Variants in KHDC4 observed in about 807,000 individuals in gnomAD.
KHDC4 encodes KH homology domain-containing protein 4.
Under a neutral mutation model 74.5 loss-of-function variants are expected in KHDC4, and 19 were observed. The ratio of observed to expected loss-of-function variants is 0.26; its 90% CI spans 0.18 to 0.37. The LOEUF (loss-of-function observed/expected upper bound fraction) is 0.37, where lower values mean the gene tolerates loss of function less well. Among genes scored for constraint, KHDC4 ranks in the 10% least tolerant of loss-of-function variants. The pLI is 1.00. For missense variants in KHDC4, 632 were observed against 754.1 expected, an observed-to-expected ratio of 0.84 and a Z score of 1.90; for synonymous variants, 253 against 266.1, an observed-to-expected ratio of 0.95 and a Z score of 0.48.
At chr1:155,920,721 A>G (rs1448366400) in intron 10 of KHDC4, among the ~76,000 whole-genome samples, 5 of 152,028 alleles carry the variant, frequency 3.3e-5, no homozygotes, top group Non-Finnish European at 1.5e-5. Context: ...TTTTGTAGAG[A>G]TGGAGTCTCA....
chr1:155,914,039 G>A lies in KHDC4; in HGVS notation c.*82C>T. ...AAAGGTCCAGATGGTTCCCAGCACA[G>A]GCCCCAGAGTCTTGTTAAATCAAAT... On this transcript the variant is annotated 3_prime_UTR_variant, in exon 14 of 14. Coordinates refer to ENST00000368321, the MANE Select transcript of KHDC4 (RefSeq NM_014949.4). 5 of 1,219,380 alleles carry A rather than the reference G, an allele frequency of 4.1e-6. No individual in the cohort carries two copies. Among genetic ancestry groups the A allele is most frequent in the Non-Finnish European group, 6.1e-6 (5 of 825,904 alleles). The allele number at this position is 1,219,380 out of a possible 1,614,324, so 75.5% of individuals were successfully genotyped here.
intron 4 of KHDC4, among the ~76,000 whole-genome samples, chr1:155,928,593 C>CAAAAAAAAAAAAA (rs10555758): frequency 1.9e-4 from 17 of 89,328 alleles, no homozygotes; most frequent in Non-Finnish European, 2.4e-4. Context: ...ATCATAAAGA[C>CAAAAAAAAAAAAA]AAAAAAAAAA....
Position 155,915,976 on chromosome 1 carries a change from C to T in KHDC4, c.1554-12G>A, listed in dbSNP as rs760206489. 2 of 1,516,804 alleles carry T rather than the reference C, an allele frequency of 1.3e-6. No individual in the cohort carries two copies. Among genetic ancestry groups the T allele is most frequent in the Admixed American group, 2.1e-5 (1 of 48,308 alleles). The allele number at this position is 1,516,804 out of a possible 1,614,324, so 94.0% of individuals were successfully genotyped here. On this transcript the variant is annotated splice_polypyrimidine_tract_variant and intron_variant, in intron 12 of 13. Coordinates refer to ENST00000368321, the MANE Select transcript of KHDC4 (RefSeq NM_014949.4). ...GAGGCATCAACTGCCTATTGAAAAA[C>T]AAAATGAAACTTTCTTTCAGACAAT...
At chr1:155,925,264 C>T (rs1158589443) in intron 7 of KHDC4, among the ~76,000 whole-genome samples, 1 of 151,902 alleles carries the variant, frequency 6.6e-6, no homozygotes, top group Admixed American at 6.6e-5. Context: ...ATCTCCTGAC[C>T]TCGTGATCCA....
rs1674080011 is a variant in KHDC4, at chr1:155,928,763, T to C, written c.464+533A>G. 2.0e-5 allele frequency among the ~76,000 whole-genome samples: 3 copies of C among 151,586 alleles called. 1 individual carries two copies. Among genetic ancestry groups the C allele is most frequent in the Admixed American group, 1.3e-4 (2 of 15,198 alleles). On this transcript the variant is annotated intron_variant, in intron 4 of 13. Coordinates refer to ENST00000368321, the MANE Select transcript of KHDC4 (RefSeq NM_014949.4). ...GTCAGGAGATCAAGACCATCCTGGC[T>C]AACACGGTGAAGCTCTGTCTCTACT... is the stretch of plus-strand genomic sequence containing the variant.
At chr1:155,933,309 G>C (rs1398232511) in intron 2 of KHDC4, among the ~76,000 whole-genome samples, 1 of 71,226 alleles carries the variant, frequency 1.4e-5, no homozygotes, top group African/African-American at 5.6e-5. Context: ...TTTTTTTTTT[G>C]AGACGGAGTC....
chr1:155,920,096 AG>A (rs1156518757), intron 10 of KHDC4: 2 of 374,544 alleles, frequency 5.3e-6, no homozygotes, highest in African/African-American at 4.4e-5. Context: ...TAATCCATCC[AG>A]ATTATTATCC....
intron 7 of KHDC4, among the ~76,000 whole-genome samples, chr1:155,924,413 T>C (rs763120030): frequency 3.3e-5 from 5 of 151,838 alleles, no homozygotes; most frequent in Non-Finnish European, 2.9e-5. Flanking sequence ...GGGATTTCAC[T>C]GTATTAGCCA....
At chr1:155,934,254 C>T in intron 1 of KHDC4, 82 bp downstream of exon 1, 2 of 1,423,644 alleles carry the variant, frequency 1.4e-6, no homozygotes, top group Non-Finnish European at 1.9e-6. Flanking sequence ...GACCCTTCCA[C>T]CCTATACGCA....
At chr1:155,920,420 G>C (rs1278404225) in intron 10 of KHDC4, among the ~76,000 whole-genome samples, 1 of 152,086 alleles carries the variant, frequency 6.6e-6, no homozygotes, top group Non-Finnish European at 1.5e-5. Flanking sequence ...CTGGGCAACA[G>C]AGCGAGACTC....
intron 8 of KHDC4, 82 bp from the exon 9 acceptor site, chr1:155,922,000 C>T (rs973556400): frequency 1.2e-6 from 1 of 807,696 alleles, no homozygotes; most frequent in Non-Finnish European, 2.0e-6. Flanking sequence ...ATTCTAGGAC[C>T]AAAGCCATTA....
At position 155,934,320 on chromosome 1, in the gene KHDC4, G is replaced by A. The variant is rs757063648; in HGVS notation, c.38+16C>T. On this transcript the variant is annotated intron_variant, in intron 1 of 13. Transcript: ENST00000368321. ...CCCCAGTGCTCGCTCCGATGCCCTC[G>A]CCCCTGAAGCCGTACCCGCCAGCTC... 3.7e-6 allele frequency: 6 copies of A among 1,606,922 alleles called. No homozygotes were observed. The South Asian group carries it at 6.6e-5, about 18-fold the overall frequency.
intron 13 of KHDC4, chr1:155,915,658 C>A: frequency 2.1e-6 from 1 of 478,068 alleles, no homozygotes; most frequent in African/African-American, 2.0e-5. Context: ...CAGGCGCCCA[C>A]CACCATGCCC....
At chr1:155,929,573 A>G in intron 3 of KHDC4, 139 bp downstream of exon 3, 1 of 1,086,936 alleles carries the variant, frequency 9.2e-7, no homozygotes, top group East Asian at 2.4e-5. Flanking sequence ...TCTTCCTCTG[A>G]AGTTAAATTA....
intron 8 of KHDC4, 148 bp from the exon 9 acceptor site, chr1:155,922,066 A>ATT (rs34107786): frequency 0.018 from 6,653 of 373,720 alleles, 3 homozygotes; most frequent in East Asian, 0.063. Context: ...TTTAACCCAC[A>ATT]TTTTTTTTTT....
At chr1:155,922,535 A>T (rs1401140775) in intron 8 of KHDC4, among the ~76,000 whole-genome samples, 1 of 152,186 alleles carries the variant, frequency 6.6e-6, no homozygotes, top group South Asian at 2.1e-4. Context: ...AACCATACTC[A>T]ATTCTGGGGT....
intron 13 of KHDC4, chr1:155,915,668 C>G: frequency 2.0e-6 from 1 of 493,068 alleles, no homozygotes; most frequent in Non-Finnish European, 3.6e-6. Context: ...CCACCATGCC[C>G]GCTAGTTTTT....
chr1:155,920,293 C>A (rs974271669), intron 10 of KHDC4, among the ~76,000 whole-genome samples: 4 of 151,836 alleles, frequency 2.6e-5, no homozygotes, highest in Non-Finnish European at 5.9e-5. Flanking sequence ...AAAAAATTAG[C>A]CAGGCGTGGT....
chr1:155,933,360 G>A (rs1674184966), intron 2 of KHDC4, among the ~76,000 whole-genome samples: 1 of 150,146 alleles, frequency 6.7e-6, no homozygotes, highest in South Asian at 2.1e-4. Context: ...GCACAATCTC[G>A]GCTCACTGCA....
Sources: gnomAD v4.1 joint callset for allele counts (sites outside exome capture counted in the v4.1 genomes callset) on GRCh38, gnomAD v4.1.1 for gene constraint, MANE v1.5 for transcripts, NCBI Gene and HGNC (gene_info 2026-07-23, HGNC 2026-07-21) for gene names.